SPEG: variants seen among roughly 807,000 people sequenced by gnomAD.
SPEG encodes the protein striated muscle preferentially expressed protein kinase.
Under a neutral mutation model 300.4 loss-of-function variants are expected in SPEG, and 114 were observed. The ratio of observed to expected loss-of-function variants is 0.38; its 90% CI spans 0.33 to 0.44. The LOEUF is 0.44. SPEG is among the 20% of genes least tolerant of loss of function. The pLI, the probability that SPEG is intolerant of heterozygous loss-of-function variation, is 1.00. For missense variants in SPEG, 4,201 were observed against 4,586.2 expected, an observed-to-expected ratio of 0.92 and a Z score of 2.43; for synonymous variants, 1,964 against 2,018.9, an observed-to-expected ratio of 0.97 and a Z score of 0.73.
chr2:219,493,606 A>T lies in SPEG; in HGVS notation c.*820A>T. The T allele has an allele frequency of 2.2e-6, 1 of 463,324 alleles. No homozygotes were observed. Among genetic ancestry groups the T allele is most frequent in the Admixed American group, 2.3e-5 (1 of 43,918 alleles). 28.7% of individuals were successfully genotyped at this position (463,324 alleles called of 1,614,324 possible). ...TCCAGCTGTCTGTCTGTCTGCCACAAGGAAATAAAAATGGCAAGCAGCATA... is the reference window on the plus strand; with the variant it reads ...TCCAGCTGTCTGTCTGTCTGCCACATGGAAATAAAAATGGCAAGCAGCATA... On this transcript the variant is annotated 3_prime_UTR_variant, in exon 41 of 41. Transcript: ENST00000312358.
At chr2:219,437,939 A>G (rs1302028896) in intron 1 of SPEG, among the ~76,000 whole-genome samples, 1 of 152,198 alleles carries the variant, frequency 6.6e-6, no homozygotes, top group Non-Finnish European at 1.5e-5. Context: ...ACCTGGCTGC[A>G]GACGGAAGGA....
chr2:219,482,970 G>C, intron 29 of SPEG, 118 bp downstream of exon 29: 1 of 1,406,812 alleles, frequency 7.1e-7, no homozygotes, highest in Non-Finnish European at 9.9e-7. Flanking sequence ...CTGGCTCCAT[G>C]CCTAGCTTCC....
chr2:219,448,657 G>A lies in SPEG; in HGVS notation c.1499G>A (p.Arg500His), dbSNP rs1485271679. Residue 500 changes from arginine to histidine, a missense_variant, in exon 4 of 41, where the codon CGC (arginine) becomes CAC (histidine). Arg to His is a conservative substitution (Grantham distance 29, BLOSUM62 0). This residue lies in a region of SPEG where 1,258 missense variants were observed against 1,293.9 expected (regional missense o/e 0.97). Coordinates refer to ENST00000312358, the MANE Select transcript of SPEG (RefSeq NM_005876.5). ...CTGCGCTTCGCCCAGGAGCTGGGCC[G>A]CATCCGCCGCTCCACGTCGCGGGAG... ...LELRFAQELGRIRRSTSREEL... is the reference protein window; with the variant it reads ...LELRFAQELGHIRRSTSREEL... 1.3e-6 allele frequency: 2 copies of A among 1,491,156 alleles called. No homozygotes were observed. Among genetic ancestry groups the A allele is most frequent in the East Asian group, 2.8e-5 (1 of 35,106 alleles). The allele number at this position is 1,491,156 out of a possible 1,614,324, so 92.4% of individuals were successfully genotyped here. A position where few individuals can be genotyped will look rare whatever the true frequency, so the allele number is the denominator to read the frequency against.
intron 36 of SPEG, 130 bp downstream of exon 36, chr2:219,490,069 A>T: frequency 9.2e-7 from 1 of 1,092,838 alleles, no homozygotes; most frequent in Non-Finnish European, 1.3e-6. Context: ...GGTTATTAGA[A>T]TGATTGCGTT....
intron 6 of SPEG, chr2:219,461,047 G>T: frequency 1.0e-6 from 1 of 958,526 alleles, no homozygotes; most frequent in Non-Finnish European, 1.2e-6. Flanking sequence ...GGACCCTGGG[G>T]AGAACCTAGG....
At chr2:219,470,025 G>A (rs985880418) in intron 13 of SPEG, among the ~76,000 whole-genome samples, 3 of 152,180 alleles carry the variant, frequency 2.0e-5, no homozygotes, top group Non-Finnish European at 4.4e-5. Flanking sequence ...AGGAATCTGA[G>A]TCTTGTGTGA....
rs766537559 is a variant in SPEG, at chr2:219,484,067, G to A, written c.6604G>A (p.Ala2202Thr). 1.9e-6 allele frequency: 3 copies of A among 1,613,728 alleles called. No homozygotes were observed. In the South Asian group the frequency reaches 3.3e-5, roughly 18 times the overall value. Reference sequence around the variant, plus strand: ...ACCTTCTGCCACCACACCTAGTGATGCTCCGCAGCCCCCCGCACCCCAGCC... The same window carrying A: ...ACCTTCTGCCACCACACCTAGTGATACTCCGCAGCCCCCCGCACCCCAGCC... ...AEPSATTPSD[A>T]PQPPAPQPAQ... Residue 2202 changes from alanine (A) to threonine (T), a missense_variant, in exon 30 of 41, where the codon GCT (alanine) becomes ACT (threonine). Coordinates refer to ENST00000312358, the MANE Select transcript of SPEG (RefSeq NM_005876.5).
chr2:219,474,373 T>C, intron 18 of SPEG: 1 of 132,442 alleles, frequency 7.6e-6, no homozygotes, highest in South Asian at 2.7e-4. Flanking sequence ...AGCAAAACTC[T>C]GTCTCAAAAA....
rs200429709 is a variant in SPEG at position 219,490,433 on chromosome 2, G to C, written c.8946G>C (p.Ala2982=). Residue 2982 remains alanine (A), a synonymous_variant, in exon 37 of 41, where the codon GCG becomes GCC. Coordinates refer to ENST00000312358, the MANE Select transcript of SPEG (RefSeq NM_005876.5). ...KARGRFGVVR[A]CRENATGRTF... ...GGGGCCGCTTTGGTGTTGTGCGAGC[G>C]TGCCGGGAGAATGCCACGGGGCGAA... 4.3e-6 allele frequency: 7 copies of C among 1,612,436 alleles called. No individual in the cohort carries two copies. In the East Asian group the frequency reaches 1.3e-4, roughly 31 times the overall value.
chr2:219,477,203 G>A lies in SPEG; in HGVS notation c.4561-74G>A. 1 of 218,064 alleles carries A rather than the reference G, an allele frequency of 4.6e-6. No homozygotes were observed. Among genetic ancestry groups the A allele is most frequent in the Non-Finnish European group, 9.1e-6 (1 of 109,778 alleles). 13.5% of individuals were successfully genotyped at this position (218,064 alleles called of 1,614,324 possible). A position where few individuals can be genotyped will look rare whatever the true frequency, so the allele number is the denominator to read the frequency against. On this transcript the variant is annotated intron_variant, in intron 19 of 40. Coordinates refer to ENST00000312358, the MANE Select transcript of SPEG (RefSeq NM_005876.5). The surrounding 1 kb of genome is among the most constrained non-coding windows in gnomAD (Gnocchi z 6.4). Reference sequence around the variant, plus strand: ...CCTGGTGAGAGATGCGCTGCCCAGAGTAGGAGATGAGGCCCTGGCCCCAAG... The same window carrying A: ...CCTGGTGAGAGATGCGCTGCCCAGAATAGGAGATGAGGCCCTGGCCCCAAG...
rs1024586556 is a variant in SPEG at position 219,488,685 on chromosome 2, C to T, written c.8026+20C>T. ...TGGCCCGTGAGCCTGGGGCAGGGCC[C>T]CAGGGGGGTAGTGATGGGGATGGTG... On this transcript the variant is annotated intron_variant, in intron 33 of 40. Coordinates refer to ENST00000312358, the MANE Select transcript of SPEG (RefSeq NM_005876.5). 6.2e-7 allele frequency: 1 copy of T among 1,603,290 alleles called. No individual in the cohort carries two copies. The highest frequency in any genetic ancestry group is 8.5e-7 in the Non-Finnish European group (1 of 1,173,740).
chr2:219,477,086 G>C lies in SPEG; in HGVS notation c.4560+104G>C. On this transcript the variant is annotated intron_variant, in intron 19 of 40. Coordinates refer to ENST00000312358, the MANE Select transcript of SPEG (RefSeq NM_005876.5). This position sits in a 1 kb window ranked among gnomAD's most constrained non-coding sequence, Gnocchi z 6.4. ...AGGAGGGCGGAGCCCGGGCAGAGGC[G>C]TGGTTAGGAGGAGGAAAGGGGCTGC... is the stretch of plus-strand genomic sequence containing the variant. 3 of 1,120,160 alleles carry C rather than the reference G, an allele frequency of 2.7e-6. No homozygotes were observed. Among genetic ancestry groups the C allele is most frequent in the South Asian group, 1.5e-5 (1 of 66,126 alleles). 69.4% of individuals were successfully genotyped at this position (1,120,160 alleles called of 1,614,324 possible).
chr2:219,471,801 G>T lies in SPEG; in HGVS notation c.3716-67G>T, dbSNP rs1057056001. 13 of 1,596,414 alleles carry T rather than the reference G, an allele frequency of 8.1e-6. No homozygotes were observed. The African/African-American group carries it at 1.5e-4, about 18-fold the overall frequency. On this transcript the variant is annotated intron_variant, in intron 13 of 40. Coordinates refer to ENST00000312358, the MANE Select transcript of SPEG (RefSeq NM_005876.5). ...GGGGGTGAGGGACCAGGCCCGGGATGGCATGGGCCTACCCCTCAAGGTATC... is the reference window on the plus strand; with the variant it reads ...GGGGGTGAGGGACCAGGCCCGGGATTGCATGGGCCTACCCCTCAAGGTATC...
chr2:219,491,653 C>T, intron 38 of SPEG, 141 bp from the exon 39 acceptor site: 1 of 697,186 alleles, frequency 1.4e-6, no homozygotes, highest in Non-Finnish European at 2.5e-6. Context: ...GCCTACTGGC[C>T]TTCAGGGCCT....
chr2:219,456,446 C>T (rs769981902), intron 6 of SPEG, among the ~76,000 whole-genome samples: 24 of 152,258 alleles, frequency 1.6e-4, no homozygotes, highest in Non-Finnish European at 3.1e-4. Flanking sequence ...TCAGCCCTTC[C>T]TCTACCCTCC....
intron 6 of SPEG, among the ~76,000 whole-genome samples, chr2:219,453,816 C>T (rs1282805156): frequency 1.3e-5 from 2 of 152,160 alleles, no homozygotes; most frequent in African/African-American, 2.4e-5. Flanking sequence ...ACTGTTTAGT[C>T]CAGAGTGGCT....
rs1475073593 is a variant in SPEG, at chr2:219,477,356, C to T, written c.4640C>T (p.Thr1547Met). Residue 1547 changes from threonine (T) to methionine (M), a missense_variant, in exon 20 of 41, where the codon ACG (threonine) becomes ATG (methionine). Coordinates refer to ENST00000312358, the MANE Select transcript of SPEG (RefSeq NM_005876.5). The surrounding 1 kb of genome is among the most constrained non-coding windows in gnomAD (Gnocchi z 6.4). Reference protein sequence around the residue: ...ENECSLVVLSTGAQDGGVYTC... With the variant: ...ENECSLVVLSMGAQDGGVYTC... ...GAGTGCTCCCTGGTGGTGCTCAGCA[C>T]GGGGGCCCAGGATGGAGGCGTCTAC... The T allele has an allele frequency of 6.8e-6, 11 of 1,613,270 alleles. No homozygotes were observed. Among genetic ancestry groups the T allele is most frequent in the East Asian group, 2.2e-5 (1 of 44,884 alleles).
rs574416067 is a variant in SPEG at position 219,476,029 on chromosome 2, G to C, written c.4448-841G>C. On this transcript the variant is annotated intron_variant, in intron 18 of 40. Coordinates refer to ENST00000312358, the MANE Select transcript of SPEG (RefSeq NM_005876.5). ...CTGAGATGCTCAAACACGCTGGGGT[G>C]GGGGGTGGGGGCTGGCGGGGGACAC... 5.1e-4 allele frequency among the ~76,000 whole-genome samples: 77 copies of C among 152,062 alleles called. 1 individual carries two copies. The highest frequency in any genetic ancestry group is 1.7e-3 in the African/African-American group (70 of 41,504).
chr2:219,485,480 A>G lies in SPEG; in HGVS notation c.7741+3A>G. 6.4e-7 allele frequency: 1 copy of G among 1,564,822 alleles called. No homozygotes were observed. The highest frequency in any genetic ancestry group is 8.7e-7 in the Non-Finnish European group (1 of 1,153,946). ...CCAGTACGTGCGCAGTGAGTCAGGTAATAAGAGGCCTGCTGGGTGAGGACC... is the reference window on the plus strand; with the variant it reads ...CCAGTACGTGCGCAGTGAGTCAGGTGATAAGAGGCCTGCTGGGTGAGGACC... On this transcript the variant is annotated splice_donor_region_variant and intron_variant, in intron 31 of 40. Transcript: ENST00000312358.
Sources: gnomAD v4.1 joint callset for allele counts (sites outside exome capture counted in the v4.1 genomes callset) on GRCh38, gnomAD v4.1.1 for gene constraint, gnomAD v4.1.1 regional missense constraint, Gnocchi (gnomAD v3.1) non-coding constraint, MANE v1.5 for transcripts, NCBI Gene and HGNC (gene_info 2026-07-23, HGNC 2026-07-21) for gene names.